LIN7A: variants seen among roughly 807,000 people sequenced by gnomAD.
LIN7A encodes the protein protein lin-7 homolog A.
Under a neutral mutation model 29.8 loss-of-function variants are expected in LIN7A, and 25 were observed. The ratio of observed to expected loss-of-function variants is 0.84; its 90% CI spans 0.61 to 1.17. The LOEUF is 1.17. Among genes scored for constraint, LIN7A ranks in the 50% most tolerant of loss-of-function variants. LIN7A has a pLI of 0.00. For missense variants in LIN7A, 239 were observed against 287.0 expected, an observed-to-expected ratio of 0.83 and a Z score of 1.21; for synonymous variants, 118 against 107.5, an observed-to-expected ratio of 1.10 and a Z score of -0.60.
intron 4 of LIN7A, among the ~76,000 whole-genome samples, chr12:80,815,719 C>T (rs1871498366): frequency 6.6e-6 from 1 of 152,066 alleles, no homozygotes; most frequent in Non-Finnish European, 1.5e-5. Flanking sequence ...ACAGTGAAAC[C>T]CCCTCCTCCA....
At chr12:80,840,667 G>T (rs112505128) in intron 4 of LIN7A, among the ~76,000 whole-genome samples, 129 of 152,256 alleles carry the variant, frequency 8.5e-4, no homozygotes, top group African/African-American at 3.0e-3. Flanking sequence ...TATGAATAGG[G>T]TACACAGAGC....
intron 5 of LIN7A, among the ~76,000 whole-genome samples, chr12:80,798,209 C>G (rs2121472992): frequency 6.6e-6 from 1 of 152,252 alleles, no homozygotes; most frequent in Middle Eastern, 3.4e-3. Context: ...CCACATGAAA[C>G]AGAGTAGGCA....
At position 80,792,918 on chromosome 12, in the gene LIN7A, T is replaced by C. The variant is rs1381847218; in HGVS notation, c.*4809A>G. On this transcript the variant is annotated 3_prime_UTR_variant, in exon 6 of 6. Coordinates refer to ENST00000552864, the MANE Select transcript of LIN7A (RefSeq NM_004664.4). ...CTTAAGAGTAAGCTATAACATAAGA[T>C]TGAGTTCCCACCCTGTGTTTGCTAC... 1 of 152,202 alleles carries C rather than the reference T, an allele frequency of 6.6e-6. No individual in the cohort carries two copies. Among genetic ancestry groups the C allele is most frequent in the Non-Finnish European group, 1.5e-5 (1 of 68,028 alleles). The allele number at this position is 152,202 out of a possible 1,614,324, so 9.4% of individuals were successfully genotyped here. A position where few individuals can be genotyped will look rare whatever the true frequency, so the allele number is the denominator to read the frequency against.
chr12:80,869,557 T>C (rs914547392), intron 2 of LIN7A, among the ~76,000 whole-genome samples: 8 of 152,208 alleles, frequency 5.3e-5, no homozygotes, highest in African/African-American at 1.7e-4. Flanking sequence ...TCTGACTTCT[T>C]TTTATCACAC....
At chr12:80,894,101 G>T (rs965056072) in intron 1 of LIN7A, among the ~76,000 whole-genome samples, 1 of 152,140 alleles carries the variant, frequency 6.6e-6, no homozygotes, top group African/African-American at 2.4e-5. Flanking sequence ...GCAAAAGAAG[G>T]CTTCGAGTCA....
intron 1 of LIN7A, among the ~76,000 whole-genome samples, chr12:80,893,649 A>G (rs1373138480): frequency 6.6e-6 from 1 of 152,140 alleles, no homozygotes; most frequent in Non-Finnish European, 1.5e-5. Flanking sequence ...TCCAACAACT[A>G]AGTAAGGAAG....
chr12:80,926,660 A>G (rs1273654197), intron 1 of LIN7A, among the ~76,000 whole-genome samples: 1 of 152,128 alleles, frequency 6.6e-6, no homozygotes, highest in Non-Finnish European at 1.5e-5. Flanking sequence ...TCACCTCTAA[A>G]TATAATATTT....
chr12:80,824,501 C>G (rs186607563), intron 4 of LIN7A, among the ~76,000 whole-genome samples: 27 of 152,264 alleles, frequency 1.8e-4, no homozygotes, highest in African/African-American at 6.5e-4. Context: ...GAAATCCTCC[C>G]TAAATCATTC....
chr12:80,852,133 T>C (rs1025221265), intron 2 of LIN7A, among the ~76,000 whole-genome samples: 1 of 152,152 alleles, frequency 6.6e-6, no homozygotes, highest in Admixed American at 6.6e-5. Context: ...AAGGGCTGTT[T>C]TCAGTTTTTT....
intron 5 of LIN7A, among the ~76,000 whole-genome samples, chr12:80,807,083 T>TTTTTTTTTTTGTTTTTG (rs1555221413): frequency 1.5e-5 from 2 of 137,206 alleles, no homozygotes; most frequent in Non-Finnish European, 3.1e-5. Context: ...TTTTTTTTTT[T>TTTTTTTTTTTGTTTTTG]TTTTTTTTGA....
intron 2 of LIN7A, among the ~76,000 whole-genome samples, chr12:80,854,455 G>A (rs891228668): frequency 1.8e-4 from 21 of 115,002 alleles, no homozygotes; most frequent in Non-Finnish European, 3.3e-4. Context: ...ATACAGCAGT[G>A]TAGATGAATC....
intron 1 of LIN7A, among the ~76,000 whole-genome samples, chr12:80,917,862 A>G (rs1592949452): frequency 6.6e-6 from 1 of 152,128 alleles, no homozygotes; most frequent in Non-Finnish European, 1.5e-5. Flanking sequence ...GATTCACCTC[A>G]TATTCTGGCT....
rs1870375014 is a variant in LIN7A at position 80,794,862 on chromosome 12, C to G, written c.*2865G>C. On this transcript the variant is annotated 3_prime_UTR_variant, in exon 6 of 6. Coordinates refer to ENST00000552864, the MANE Select transcript of LIN7A (RefSeq NM_004664.4). The stretch of plus-strand genomic sequence containing the variant: ...TGACAACAGAATCAAAATGTAAATG[C>G]TCCAGTGAAAAGGCTTGGAAACTCT... 6.6e-6 allele frequency: 1 copy of G among 152,092 alleles called. No homozygotes were observed. The highest frequency in any genetic ancestry group is 2.4e-5 in the African/African-American group (1 of 41,438). 9.4% of individuals were successfully genotyped at this position (152,092 alleles called of 1,614,324 possible). A position where few individuals can be genotyped will look rare whatever the true frequency, so the allele number is the denominator to read the frequency against.
chr12:80,908,805 T>C (rs1277276076), intron 1 of LIN7A, among the ~76,000 whole-genome samples: 1 of 152,106 alleles, frequency 6.6e-6, no homozygotes, highest in African/African-American at 2.4e-5. Context: ...GAAGTATCTA[T>C]ACAAATCTTT....
intron 2 of LIN7A, among the ~76,000 whole-genome samples, chr12:80,859,723 G>C (rs537333597): frequency 1.3e-5 from 2 of 152,086 alleles, no homozygotes; most frequent in Admixed American, 6.5e-5. Context: ...TTTAACAAAT[G>C]ATTTTAAAGT....
At chr12:80,887,874 G>T (rs1303069155) in intron 2 of LIN7A, among the ~76,000 whole-genome samples, 1 of 152,006 alleles carries the variant, frequency 6.6e-6, no homozygotes, top group African/African-American at 2.4e-5. Flanking sequence ...AGAGATGGTA[G>T]AATCTCTAAA....
intron 1 of LIN7A, among the ~76,000 whole-genome samples, chr12:80,928,623 T>G (rs1877730821): frequency 6.6e-6 from 1 of 152,174 alleles, no homozygotes; most frequent in East Asian, 1.9e-4. Context: ...TTGCAAAAAT[T>G]TTCTCCCATT....
Position 80,879,645 on chromosome 12 carries a change from CAAAAAAAAAA to C in LIN7A, c.201+9596_201+9605del, listed in dbSNP as rs530877505. ...GCCCTGCTGTGTCTATGGAGCAGCC[CAAAAAAAAAA>C]AAAAAAAAAAAAAAAAAGGAAGAAG... On this transcript the variant is annotated intron_variant, in intron 2 of 5. Transcript: ENST00000552864. 6.3e-4 allele frequency among the ~76,000 whole-genome samples: 37 copies of C among 58,742 alleles called. 1 individual carries two copies. The highest frequency in any genetic ancestry group is 2.2e-3 in the South Asian group (2 of 908). The allele number at this position is 58,742 out of a possible 152,430, so 38.5% of individuals were successfully genotyped here.
chr12:80,824,678 G>T (rs1221261309), intron 4 of LIN7A, among the ~76,000 whole-genome samples: 2 of 152,182 alleles, frequency 1.3e-5, no homozygotes, highest in Non-Finnish European at 2.9e-5. Context: ...GATCAGGTGG[G>T]TTTCTTATCA....
Sources: gnomAD v4.1 joint callset for allele counts (sites outside exome capture counted in the v4.1 genomes callset) on GRCh38, gnomAD v4.1.1 for gene constraint, MANE v1.5 for transcripts, NCBI Gene and HGNC (gene_info 2026-07-23, HGNC 2026-07-21) for gene names.